Variants in PRKG1 observed in about 807,000 individuals in gnomAD.
PRKG1 encodes protein kinase cGMP-dependent 1.
In PRKG1, 35 loss-of-function variants were observed where a neutral mutation model predicts 88.1. The observed-to-expected ratio is 0.40, with a 90% CI of 0.30 to 0.53. PRKG1 has a LOEUF of 0.53. Among genes scored for constraint, PRKG1 ranks in the 20% least tolerant of loss-of-function variants. PRKG1 has a pLI of 0.59. For missense variants in PRKG1, 540 were observed against 839.8 expected, an observed-to-expected ratio of 0.64 and a Z score of 4.41; for synonymous variants, 303 against 292.5, an observed-to-expected ratio of 1.04 and a Z score of -0.37.
chr10:51,927,666 AG>A (rs1842608680), intron 5 of PRKG1, among the ~76,000 whole-genome samples: 1 of 152,184 alleles, frequency 6.6e-6, no homozygotes, highest in South Asian at 2.1e-4. Context: ...GGGTGGCTAA[AG>A]ACAGCAGGAA....
chr10:51,949,567 T>C (rs1050181311), intron 5 of PRKG1, among the ~76,000 whole-genome samples: 3 of 152,122 alleles, frequency 2.0e-5, no homozygotes, highest in African/African-American at 7.2e-5. Context: ...CTAGAACATG[T>C]GTACAGTGAT....
intron 2 of PRKG1, among the ~76,000 whole-genome samples, chr10:51,333,697 C>G (rs1432776417): frequency 1.3e-5 from 2 of 152,184 alleles, no homozygotes; most frequent in Non-Finnish European, 2.9e-5. Flanking sequence ...AAGGCAGCTT[C>G]CATGTTCCTC....
chr10:51,968,654 C>T (rs1442133145), intron 5 of PRKG1, among the ~76,000 whole-genome samples: 2 of 151,304 alleles, frequency 1.3e-5, no homozygotes, highest in African/African-American at 4.9e-5. Context: ...AACTCTGTGT[C>T]TACTGAAAAT....
chr10:51,402,035 G>A (rs146122516), intron 2 of PRKG1, among the ~76,000 whole-genome samples: 2 of 152,020 alleles, frequency 1.3e-5, no homozygotes, highest in African/African-American at 4.8e-5. Flanking sequence ...GATTTTAAGA[G>A]GTCCACTCTT....
rs79799964 is a variant in PRKG1, at chr10:51,510,538, A to C, written c.592+42702A>C. On this transcript the variant is annotated intron_variant, in intron 3 of 17. Transcript: ENST00000373980. ...AAGTATAATTTTCTTGACTTTCTAA[A>C]CAGGTCTACAATTTTAATTATTTTC... Among the ~76,000 whole-genome samples the C allele has an allele frequency of 5.5e-3, 842 of 152,294 alleles. 8 individuals carry two copies. The highest frequency in any genetic ancestry group is 0.019 in the African/African-American group (784 of 41,562).
intron 10 of PRKG1, among the ~76,000 whole-genome samples, chr10:52,263,814 G>T (rs1194514): frequency 0.74 from 112,327 of 151,872 alleles, 43,948 homozygotes; most frequent in Non-Finnish European, 0.89. Flanking sequence ...CAAGTGATGG[G>T]CTCACCTCAG....
chr10:51,623,910 C>T (rs1402601392), intron 3 of PRKG1, among the ~76,000 whole-genome samples: 1 of 152,064 alleles, frequency 6.6e-6, no homozygotes, highest in Non-Finnish European at 1.5e-5. Flanking sequence ...CGTGTAATTT[C>T]TATTGTTCTT....
intron 9 of PRKG1, among the ~76,000 whole-genome samples, chr10:52,185,804 A>G (rs1839185481): frequency 6.6e-6 from 1 of 152,202 alleles, no homozygotes; most frequent in Non-Finnish European, 1.5e-5. Flanking sequence ...ATGGTGGCTT[A>G]TGCTCTCTAA....
At chr10:51,453,158 T>C (rs1839487259) in intron 2 of PRKG1, among the ~76,000 whole-genome samples, 1 of 152,056 alleles carries the variant, frequency 6.6e-6, no homozygotes, top group South Asian at 2.1e-4. Context: ...CATTTCTAAC[T>C]GAGCTTATTT....
chr10:51,006,120 C>T (rs1237870425), intron 1 of PRKG1, among the ~76,000 whole-genome samples: 1 of 152,176 alleles, frequency 6.6e-6, no homozygotes, highest in African/African-American at 2.4e-5. Flanking sequence ...TGCCTGTTTG[C>T]AGCTTAGAGA....
At chr10:52,143,955 C>T (rs1377794289) in intron 8 of PRKG1, among the ~76,000 whole-genome samples, 1 of 152,152 alleles carries the variant, frequency 6.6e-6, no homozygotes, top group African/African-American at 2.4e-5. Flanking sequence ...CAAACAGATG[C>T]ATTCAAAAAT....
intron 2 of PRKG1, among the ~76,000 whole-genome samples, chr10:51,258,943 C>T (rs148800864): frequency 1.4e-4 from 22 of 152,258 alleles, no homozygotes; most frequent in South Asian, 1.0e-3. Flanking sequence ...GTGAACCTCA[C>T]GTTCAATATT....
At position 51,607,460 on chromosome 10, in the gene PRKG1, G is replaced by A. The variant is rs2132237391; in HGVS notation, c.592+139624G>A. On this transcript the variant is annotated intron_variant, in intron 3 of 17. Coordinates refer to ENST00000373980, the MANE Select transcript of PRKG1 (RefSeq NM_006258.4). The stretch of plus-strand genomic sequence containing the variant: ...GCTGTGGGCTCTCAGTAGCAGCTAG[G>A]TGAGAGGAAAAGGAAAGTTGATGAC... 2.0e-5 allele frequency among the ~76,000 whole-genome samples: 3 copies of A among 152,286 alleles called. No homozygotes were observed. The Middle Eastern group carries it at 0.01, about 518-fold the overall frequency.
chr10:52,255,359 T>C (rs1328326624), intron 10 of PRKG1, among the ~76,000 whole-genome samples: 4 of 152,086 alleles, frequency 2.6e-5, no homozygotes, highest in East Asian at 1.9e-4. Flanking sequence ...CTTTTCAGAA[T>C]AGATTTGTAT....
chr10:52,039,800 TG>T (rs1466240785), intron 5 of PRKG1, among the ~76,000 whole-genome samples: 1 of 152,144 alleles, frequency 6.6e-6, no homozygotes. Context: ...TTTCACTTTC[TG>T]GGGAAAAAAA....
chr10:51,172,975 T>C (rs1327379151), intron 2 of PRKG1, among the ~76,000 whole-genome samples: 1 of 152,002 alleles, frequency 6.6e-6, no homozygotes, highest in Non-Finnish European at 1.5e-5. Flanking sequence ...TTTATTCACT[T>C]AACAAATAAT....
intron 2 of PRKG1, among the ~76,000 whole-genome samples, chr10:51,441,358 T>C (rs903137235): frequency 6.6e-6 from 1 of 152,056 alleles, no homozygotes; most frequent in East Asian, 1.9e-4. Flanking sequence ...AAAACTTTTT[T>C]CCATTTTGTA....
chr10:51,116,861 G>C (rs1482564642), intron 1 of PRKG1, among the ~76,000 whole-genome samples: 1 of 152,158 alleles, frequency 6.6e-6, no homozygotes, highest in East Asian at 1.9e-4. Flanking sequence ...GAGGAAGATT[G>C]TTCCACCCTT....
chr10:51,300,907 C>T (rs1271752982), intron 2 of PRKG1, among the ~76,000 whole-genome samples: 1 of 152,212 alleles, frequency 6.6e-6, no homozygotes, highest in East Asian at 1.9e-4. Flanking sequence ...GTGTGTCTGC[C>T]TTTCTTTTCC....
Sources: gnomAD v4.1 joint callset for allele counts (sites outside exome capture counted in the v4.1 genomes callset) on GRCh38, gnomAD v4.1.1 for gene constraint, MANE v1.5 for transcripts, NCBI Gene and HGNC (gene_info 2026-07-23, HGNC 2026-07-21) for gene names.